Variants in ARSG observed in about 807,000 individuals in gnomAD.
The protein encoded by ARSG is arylsulfatase G, also known as ASG.
ARSG carries 37 observed loss-of-function variants against 50.5 expected under a neutral mutation model. The ratio of observed to expected loss-of-function variants is 0.73; its 90% CI spans 0.56 to 0.96. The LOEUF (loss-of-function observed/expected upper bound fraction) is 0.96, where lower values mean the gene tolerates loss of function less well. Among genes scored for constraint, ARSG ranks in the 50% least tolerant of loss-of-function variants. ARSG has a pLI of 0.00. For synonymous variants in ARSG, 225 were observed against 254.6 expected (o/e 0.88, Z 1.11); for missense variants, 629 against 675.3 (o/e 0.93, Z 0.76).
intron 2 of ARSG, among the ~76,000 whole-genome samples, chr17:68,323,584 T>A (rs1197648707): frequency 1.3e-5 from 2 of 152,120 alleles, no homozygotes; most frequent in Non-Finnish European, 2.9e-5. Flanking sequence ...TATCTCATCA[T>A]GGAAGCTGAT....
At chr17:68,276,657 T>C (rs187818195) in intron 1 of ARSG, among the ~76,000 whole-genome samples, 1 of 152,286 alleles carries the variant, frequency 6.6e-6, no homozygotes, top group East Asian at 1.9e-4. Flanking sequence ...TCTTGCTATG[T>C]TGCCCAGGCT....
At chr17:68,450,163 C>CA in the ARSG span, among the ~76,000 whole-genome samples, 108,194 of 151,820 alleles carry the variant, frequency 0.71, 38,990 homozygotes, top group Middle Eastern at 0.79. Flanking sequence ...GAAAATGCTA[C>CA]AAAAAAAACA....
At position 68,376,609 on chromosome 17, in the gene ARSG, T is replaced by A. The variant is rs576285816; in HGVS notation, c.982+6085T>A. Among the ~76,000 whole-genome samples, 7 of 152,028 alleles carry A rather than the reference T, an allele frequency of 4.6e-5. No homozygotes were observed. The South Asian group carries it at 1.5e-3, about 32-fold the overall frequency. ...CCTGTCCTATGCCTAGCTTTTAAAA[T>A]ATATATATTTATTTTATTTAACCCC... On this transcript the variant is annotated intron_variant, in intron 8 of 11. Coordinates refer to ENST00000621439, the MANE Select transcript of ARSG (RefSeq NM_001267727.2).
At chr17:68,287,972 CCCCT>C (rs1459856020), upstream of ARSG, among the ~76,000 whole-genome samples, 30 of 150,204 alleles carry the variant, frequency 2.0e-4, no homozygotes, top group Admixed American at 4.0e-4. Context: ...TCTCTCTCTC[CCCCT>C]CCCTCCCTCC....
chr17:68,299,576 A>G (rs2076338712), intron 1 of ARSG, among the ~76,000 whole-genome samples: 1 of 152,182 alleles, frequency 6.6e-6, no homozygotes, highest in African/African-American at 2.4e-5. Flanking sequence ...ATTTCAATAG[A>G]GGATACAATC....
intron 2 of ARSG, among the ~76,000 whole-genome samples, chr17:68,310,595 T>G (rs929405609): frequency 6.6e-6 from 1 of 152,216 alleles, no homozygotes; most frequent in Non-Finnish European, 1.5e-5. Context: ...TTGGTCTGAT[T>G]GTCCAGCTCG....
At chr17:68,331,288 T>C (rs2146031947) in intron 2 of ARSG, among the ~76,000 whole-genome samples, 1 of 149,910 alleles carries the variant, frequency 6.7e-6, no homozygotes, top group South Asian at 2.1e-4. Context: ...TCTTGCTCTG[T>C]CACCCAGACT....
chr17:68,428,917 G>T, the ARSG span: 11 of 1,613,992 alleles, frequency 6.8e-6, no homozygotes, highest in Non-Finnish European at 9.3e-6. Context: ...GCAACTAGCA[G>T]CCGTGGCAAC....
intron 3 of ARSG, among the ~76,000 whole-genome samples, chr17:68,345,349 T>C (rs1355058768): frequency 1.3e-5 from 2 of 151,970 alleles, no homozygotes; most frequent in Non-Finnish European, 2.9e-5. Flanking sequence ...CCAGGAAGAG[T>C]TAGGTCCCAG....
At position 68,303,107 on chromosome 17, in the gene ARSG, G is replaced by C. The variant is rs147292062; in HGVS notation, c.-551-3836G>C. Among the ~76,000 whole-genome samples the C allele has an allele frequency of 5.4e-4, 82 of 152,146 alleles. 1 individual carries two copies. Among genetic ancestry groups the C allele is most frequent in the Admixed American group, 9.8e-4 (15 of 15,284 alleles). Reference sequence around the variant, plus strand: ...GGGGCTAGATGCAATCAAATGCTTGGCTTATATAGCTGTATGTTTGGAGGT... The same window carrying C: ...GGGGCTAGATGCAATCAAATGCTTGCCTTATATAGCTGTATGTTTGGAGGT... On this transcript the variant is annotated intron_variant, in intron 1 of 11. Coordinates refer to ENST00000621439, the MANE Select transcript of ARSG (RefSeq NM_001267727.2).
rs141205260 is a variant in ARSG at position 68,420,382 on chromosome 17, C to T, written c.1497C>T (p.Ser499=). 6.1e-5 allele frequency: 98 copies of T among 1,614,206 alleles called. 1 individual carries two copies. The East Asian group carries it at 2.1e-3, about 35-fold the overall frequency. ...AAGACATTGCCAACGACAACATCTCCAGCGCAGATTACACTCAGGACCCTT... is the reference window on the plus strand; with the variant it reads ...AAGACATTGCCAACGACAACATCTCTAGCGCAGATTACACTCAGGACCCTT... ...VLQDIANDNI[S]SADYTQDPSV... is the part of the protein sequence containing the mutation. The change falls in exon 12 of 12, where the codon TCC becomes TCT. Residue 499 remains serine (S), a synonymous_variant. Transcript: ENST00000621439.
chr17:68,333,631 A>AATAAT (rs535994046), intron 2 of ARSG, among the ~76,000 whole-genome samples: 167 of 142,722 alleles, frequency 1.2e-3, no homozygotes, highest in African/African-American at 4.0e-3. Context: ...TCTGTCTCAA[A>AATAAT]AATAATAATA....
At position 68,356,783 on chromosome 17, in the gene ARSG, C is replaced by A. The variant is rs1447180852; in HGVS notation, c.683C>A (p.Thr228Asn). Residue 228 changes from threonine to asparagine, a missense_variant, in exon 6 of 12, where the codon ACC becomes AAC. Coordinates refer to ENST00000621439, the MANE Select transcript of ARSG (RefSeq NM_001267727.2). ...GCCCAGAAGTATGCTGAGAAAGCAA[C>A]CCAGTTCATCCAGCGTGCAAGGTGA... ...SLAQKYAEKA[T>N]QFIQRASTSG... 1 of 1,614,190 alleles carries A rather than the reference C, an allele frequency of 6.2e-7. No individual in the cohort carries two copies. The highest frequency in any genetic ancestry group is 8.5e-7 in the Non-Finnish European group (1 of 1,180,032).
intron 2 of ARSG, among the ~76,000 whole-genome samples, chr17:68,313,344 A>T (rs1436729088): frequency 6.6e-6 from 1 of 152,158 alleles, no homozygotes; most frequent in African/African-American, 2.4e-5. Flanking sequence ...CAAGGTTATG[A>T]CTGAAGGCTC....
intron 1 of ARSG, among the ~76,000 whole-genome samples, chr17:68,263,133 A>G (rs1204042406): frequency 6.6e-6 from 1 of 152,200 alleles, no homozygotes. Flanking sequence ...TCCATGTAGG[A>G]AATGGATAGT....
At chr17:68,365,027 C>T (rs545817066) in intron 6 of ARSG, among the ~76,000 whole-genome samples, 10 of 152,172 alleles carry the variant, frequency 6.6e-5, no homozygotes, top group East Asian at 3.9e-4. Flanking sequence ...AACAAGGAAG[C>T]GGTCGGGCGC....
At chr17:68,441,414 C>T in the ARSG span, among the ~76,000 whole-genome samples, 1 of 152,184 alleles carries the variant, frequency 6.6e-6, no homozygotes, top group Non-Finnish European at 1.5e-5. Context: ...GACAATTAGA[C>T]GAGTGATTGT....
At chr17:68,281,656 T>C (rs1403417324) in intron 1 of ARSG, among the ~76,000 whole-genome samples, 12 of 152,108 alleles carry the variant, frequency 7.9e-5, no homozygotes, top group Non-Finnish European at 1.3e-4. Flanking sequence ...AACAAATATA[T>C]GAAAAAATGC....
chr17:68,273,037 A>G (rs1217317398), intron 1 of ARSG, among the ~76,000 whole-genome samples: 1 of 151,968 alleles, frequency 6.6e-6, no homozygotes, highest in East Asian at 1.9e-4. Context: ...TATAATTCAC[A>G]ATGGATGAAA....
Sources: gnomAD v4.1 joint callset for allele counts (sites outside exome capture counted in the v4.1 genomes callset) on GRCh38, gnomAD v4.1.1 for gene constraint, MANE v1.5 for transcripts, NCBI Gene and HGNC (gene_info 2026-07-23, HGNC 2026-07-21) for gene names.